FAM107B: variants seen among roughly 807,000 people sequenced by gnomAD.
The protein encoded by FAM107B is protein FAM107B.
FAM107B carries 21 observed loss-of-function variants against 31.5 expected under a neutral mutation model. The observed-to-expected ratio is 0.67, with a 90% CI of 0.47 to 0.96. The LOEUF (loss-of-function observed/expected upper bound fraction) is 0.96, where lower values mean the gene tolerates loss of function less well. FAM107B is among the 40% of genes least tolerant of loss of function. The pLI is 0.00. For synonymous variants in FAM107B, 157 were observed against 141.5 expected (o/e 1.11, Z -0.78); for missense variants, 452 against 377.1 (o/e 1.20, Z -1.64).
intron 1 of FAM107B, among the ~76,000 whole-genome samples, chr10:14,721,672 C>T (rs191189879): frequency 0.017 from 2,605 of 152,214 alleles, 48 homozygotes; most frequent in African/African-American, 0.057. Context: ...TCATATCCTT[C>T]ACCCACTTTT....
At chr10:14,577,897 G>A (rs547154977) in intron 2 of FAM107B, among the ~76,000 whole-genome samples, 1 of 152,234 alleles carries the variant, frequency 6.6e-6, no homozygotes, top group Non-Finnish European at 1.5e-5. Context: ...ACTGCAGCCA[G>A]CCAGGAAATA....
intron 2 of FAM107B, among the ~76,000 whole-genome samples, chr10:14,556,861 C>G (rs1300704992): frequency 1.3e-5 from 2 of 152,262 alleles, no homozygotes; most frequent in African/African-American, 4.8e-5. Context: ...GCGGCCCTCA[C>G]TCCCCACCTG....
intron 2 of FAM107B, among the ~76,000 whole-genome samples, chr10:14,582,413 GT>G (rs1243656976): frequency 9.0e-6 from 1 of 110,990 alleles, no homozygotes; most frequent in Non-Finnish European, 1.7e-5. Context: ...GTCTCACTCT[GT>G]TGCCCAGGCT....
chr10:14,735,167 T>C (rs541015693), intron 1 of FAM107B, among the ~76,000 whole-genome samples: 1 of 152,364 alleles, frequency 6.6e-6, no homozygotes, highest in South Asian at 2.1e-4. Flanking sequence ...AACGGCCTTT[T>C]GTGATAGGAT....
At chr10:14,688,677 G>A (rs1855048921) in intron 1 of FAM107B, among the ~76,000 whole-genome samples, 1 of 152,322 alleles carries the variant, frequency 6.6e-6, no homozygotes, top group African/African-American at 2.4e-5. Context: ...TAGAATTTGA[G>A]TGTGAATTTA....
At chr10:14,537,448 C>A (rs933246395) in intron 2 of FAM107B, among the ~76,000 whole-genome samples, 2 of 152,208 alleles carry the variant, frequency 1.3e-5, no homozygotes, top group Non-Finnish European at 2.9e-5. Flanking sequence ...TCCTCACTTG[C>A]TCTAAGTGTG....
intron 1 of FAM107B, among the ~76,000 whole-genome samples, chr10:14,699,937 T>G (rs1032054599): frequency 2.0e-5 from 3 of 152,046 alleles, no homozygotes; most frequent in African/African-American, 7.2e-5. Context: ...TTATTTATGA[T>G]TATTATTATT....
intron 3 of FAM107B, among the ~76,000 whole-genome samples, chr10:14,523,867 CTTT>C (rs1169705257): frequency 7.2e-6 from 1 of 138,618 alleles, no homozygotes. Context: ...TATATTCCAT[CTTT>C]TTTTTTTTTT....
chr10:14,667,574 T>G, intron 2 of FAM107B, 60 bp downstream of exon 2: 1 of 1,575,400 alleles, frequency 6.3e-7, no homozygotes, highest in South Asian at 1.1e-5. Context: ...CTTAGGATGC[T>G]CCAAGCACTT....
chr10:14,674,532 A>C (rs1469241657), intron 1 of FAM107B, among the ~76,000 whole-genome samples: 3 of 152,158 alleles, frequency 2.0e-5, no homozygotes, highest in Non-Finnish European at 4.4e-5. Context: ...CTCTCCCTGA[A>C]CTAGGACATT....
At chr10:14,596,729 G>T (rs1852200357) in intron 2 of FAM107B, among the ~76,000 whole-genome samples, 1 of 152,138 alleles carries the variant, frequency 6.6e-6, no homozygotes, top group Admixed American at 6.5e-5. Flanking sequence ...GAACCTGAAA[G>T]ATGATGTAGC....
intron 2 of FAM107B, among the ~76,000 whole-genome samples, chr10:14,657,610 C>G (rs1049087577): frequency 3.9e-5 from 6 of 152,088 alleles, no homozygotes; most frequent in African/African-American, 1.4e-4. Context: ...GATGGAAAAC[C>G]AACCAACTTT....
intron 3 of FAM107B, among the ~76,000 whole-genome samples, chr10:14,527,050 G>T (rs1384879213): frequency 6.6e-6 from 1 of 151,938 alleles, no homozygotes; most frequent in Non-Finnish European, 1.5e-5. Context: ...TGTTAGCTAG[G>T]ATGGTCTTGA....
intron 1 of FAM107B, chr10:14,724,095 CA>C (rs1401619204): frequency 1.6e-6 from 1 of 610,410 alleles, no homozygotes; most frequent in East Asian, 3.1e-5. Flanking sequence ...GAATCCAGAA[CA>C]ATGCCAAATG....
At chr10:14,698,323 A>G (rs1855316289) in intron 1 of FAM107B, among the ~76,000 whole-genome samples, 1 of 152,220 alleles carries the variant, frequency 6.6e-6, no homozygotes, top group South Asian at 2.1e-4. Context: ...CAAAGGCCCA[A>G]CTGAAAGAGT....
At chr10:14,701,574 G>A (rs1226624506) in intron 1 of FAM107B, among the ~76,000 whole-genome samples, 1 of 152,082 alleles carries the variant, frequency 6.6e-6, no homozygotes, top group Non-Finnish European at 1.5e-5. Flanking sequence ...AGTCCTCACA[G>A]CTCCAAGAAT....
At chr10:14,715,725 G>C (rs1199605064) in intron 1 of FAM107B, among the ~76,000 whole-genome samples, 8 of 152,192 alleles carry the variant, frequency 5.3e-5, no homozygotes, top group Admixed American at 5.2e-4. Flanking sequence ...ATCTTCTCCT[G>C]CCCTTGGACA....
chr10:14,613,560 A>C (rs117176674), intron 2 of FAM107B, among the ~76,000 whole-genome samples: 1 of 152,160 alleles, frequency 6.6e-6, no homozygotes, highest in African/African-American at 2.4e-5. Context: ...TACGCCCTAC[A>C]TCTACTTTGG....
chr10:14,633,135 G>A (rs1161198205), intron 2 of FAM107B, among the ~76,000 whole-genome samples: 5 of 151,116 alleles, frequency 3.3e-5, no homozygotes, highest in Non-Finnish European at 1.5e-5. Context: ...GGAGGCAGAG[G>A]TTGCAGTGAG....
Sources: allele counts gnomAD v4.1 joint callset (sites outside exome capture counted in the v4.1 genomes callset), GRCh38; gene constraint gnomAD v4.1.1; transcripts MANE v1.5; gene names NCBI Gene and HGNC (gene_info 2026-07-23, HGNC 2026-07-21).